Variants in UBE2H observed in about 807,000 individuals in gnomAD.
UBE2H encodes ubiquitin-conjugating enzyme E2 H.
In UBE2H, 3 loss-of-function variants were observed where a neutral mutation model predicts 29.0. That is an observed-to-expected ratio of 0.10 (90% confidence interval 0.05 to 0.27). The LOEUF (loss-of-function observed/expected upper bound fraction) is 0.27, where lower values mean the gene tolerates loss of function less well. UBE2H is among the 10% of genes least tolerant of loss of function. UBE2H has a pLI of 1.00. For missense variants in UBE2H, 68 were observed against 228.2 expected, an observed-to-expected ratio of 0.30 and a Z score of 4.52; for synonymous variants, 69 against 82.9, an observed-to-expected ratio of 0.83 and a Z score of 0.91.
intron 1 of UBE2H, among the ~76,000 whole-genome samples, chr7:129,903,675 G>A (rs748131359): frequency 1.2e-4 from 18 of 152,280 alleles, no homozygotes; most frequent in South Asian, 4.1e-4. Context: ...AAGGCAGGAG[G>A]ACTGCTTGAG....
intron 3 of UBE2H, among the ~76,000 whole-genome samples, chr7:129,878,575 C>G (rs890845683): frequency 1.3e-5 from 2 of 149,038 alleles, no homozygotes; most frequent in Admixed American, 1.4e-4. Flanking sequence ...GCCAGCTACT[C>G]GGGAGGCTGA....
rs137888702 is a variant in UBE2H, at chr7:129,885,344, A to G, written c.54-4373T>C. On this transcript the variant is annotated intron_variant, in intron 1 of 6. Transcript: ENST00000355621. ...ATCCACAGATGCAGCATTCTCCATC[A>G]ATCAGAACTAATTTGCTATGAATGA... Among the ~76,000 whole-genome samples, 1,276 of 152,348 alleles carry G rather than the reference A, an allele frequency of 8.4e-3. 10 individuals carry two copies. Among genetic ancestry groups the G allele is most frequent in the Non-Finnish European group, 0.014 (931 of 68,030 alleles).
chr7:129,880,331 AC>A (rs745727536), intron 2 of UBE2H, among the ~76,000 whole-genome samples: 10 of 152,138 alleles, frequency 6.6e-5, no homozygotes, highest in Non-Finnish European at 1.2e-4. Flanking sequence ...ACATGGTGAA[AC>A]CCTGTCTCTA....
intron 1 of UBE2H, among the ~76,000 whole-genome samples, chr7:129,927,921 C>A (rs1584791491): frequency 1.3e-5 from 2 of 151,428 alleles, no homozygotes; most frequent in African/African-American, 2.4e-5. Flanking sequence ...TGTAGCTGAG[C>A]GCAGTGGCTC....
chr7:129,947,381 G>C (rs1807786402), intron 1 of UBE2H, among the ~76,000 whole-genome samples: 2 of 152,134 alleles, frequency 1.3e-5, no homozygotes, highest in Non-Finnish European at 2.9e-5. Context: ...CACTAAAACA[G>C]AGTCCACTGG....
chr7:129,855,022 C>G (rs1244732895), intron 5 of UBE2H, among the ~76,000 whole-genome samples: 1 of 152,014 alleles, frequency 6.6e-6, no homozygotes, highest in Admixed American at 6.6e-5. Flanking sequence ...TCGTGGTTGC[C>G]TAGGGCGAAT....
chr7:129,945,920 T>G (rs1316778903), intron 1 of UBE2H, among the ~76,000 whole-genome samples: 1 of 152,078 alleles, frequency 6.6e-6, no homozygotes, highest in Admixed American at 6.6e-5. Flanking sequence ...TAATTTTGTA[T>G]TTTTTAGTAG....
chr7:129,840,019 A>G (rs1329728913), intron 5 of UBE2H, among the ~76,000 whole-genome samples: 1 of 152,016 alleles, frequency 6.6e-6, no homozygotes, highest in Non-Finnish European at 1.5e-5. Flanking sequence ...CTTGAACACA[A>G]TTTTATAGGA....
chr7:129,950,525 G>A (rs1378998232), intron 1 of UBE2H, among the ~76,000 whole-genome samples: 2 of 151,964 alleles, frequency 1.3e-5, no homozygotes, highest in African/African-American at 4.8e-5. Flanking sequence ...GCACTGTATG[G>A]AAAAGGCATC....
At chr7:129,869,874 C>T (rs1805992865) in intron 3 of UBE2H, among the ~76,000 whole-genome samples, 2 of 152,140 alleles carry the variant, frequency 1.3e-5, no homozygotes, top group African/African-American at 4.8e-5. Flanking sequence ...CTTTCTTGGA[C>T]TCAGCATCAC....
At chr7:129,854,589 G>A (rs760013446) in intron 5 of UBE2H, among the ~76,000 whole-genome samples, 1 of 152,162 alleles carries the variant, frequency 6.6e-6, no homozygotes, top group African/African-American at 2.4e-5. Context: ...TGCTTTGCAA[G>A]CTAATGTAAG....
chr7:129,865,970 T>C (rs1805896764), intron 3 of UBE2H, among the ~76,000 whole-genome samples: 1 of 152,140 alleles, frequency 6.6e-6, no homozygotes, highest in Non-Finnish European at 1.5e-5. Context: ...CCAGCTCCAC[T>C]AGTGACAGAC....
chr7:129,914,161 T>G (rs1196972316), intron 1 of UBE2H, among the ~76,000 whole-genome samples: 1 of 151,090 alleles, frequency 6.6e-6, no homozygotes, highest in Admixed American at 6.6e-5. Context: ...AACAGCCACC[T>G]CAAAAATCAA....
chr7:129,882,185 T>C (rs1169634179), intron 1 of UBE2H, among the ~76,000 whole-genome samples: 2 of 152,220 alleles, frequency 1.3e-5, no homozygotes, highest in African/African-American at 2.4e-5. Flanking sequence ...AAGAGAGGAC[T>C]ACTCGTTTAA....
At chr7:129,902,032 T>G (rs1377511272) in intron 1 of UBE2H, among the ~76,000 whole-genome samples, 2 of 152,148 alleles carry the variant, frequency 1.3e-5, no homozygotes, top group Non-Finnish European at 2.9e-5. Flanking sequence ...CAGACAACAT[T>G]AAGTGTTATT....
chr7:129,856,720 C>CACACAGTTTGAACTGCATGGGTCCAT lies in UBE2H; in HGVS notation c.298+765_298+790dup, dbSNP rs1351997787. ...CTGACCCTTGAACAACATGGGTCCA[C>CACACAGTTTGAACTGCATGGGTCCAT]ACACAGTTTGAACTGCATGGGTCCA... On this transcript the variant is annotated intron_variant, in intron 5 of 6. Coordinates refer to ENST00000355621, the MANE Select transcript of UBE2H (RefSeq NM_003344.4). Among the ~76,000 whole-genome samples, 3 of 152,164 alleles carry CACACAGTTTGAACTGCATGGGTCCAT rather than the reference C, an allele frequency of 2.0e-5. No homozygotes were observed. The East Asian group carries it at 5.8e-4, about 29-fold the overall frequency.
intron 5 of UBE2H, among the ~76,000 whole-genome samples, chr7:129,844,045 T>C (rs535343110): frequency 1.3e-5 from 2 of 152,368 alleles, no homozygotes; most frequent in South Asian, 4.1e-4. Context: ...TAAAAGGCTT[T>C]GCCTATGAAT....
intron 5 of UBE2H, among the ~76,000 whole-genome samples, chr7:129,852,649 C>T (rs1760677727): frequency 6.6e-6 from 1 of 152,172 alleles, no homozygotes; most frequent in Admixed American, 6.5e-5. Flanking sequence ...CACTGGCTAG[C>T]AACCCTAAGA....
At chr7:129,909,952 G>A (rs760641766) in intron 1 of UBE2H, among the ~76,000 whole-genome samples, 6 of 152,072 alleles carry the variant, frequency 3.9e-5, no homozygotes, top group African/African-American at 4.8e-5. Flanking sequence ...CAGAAGACAC[G>A]AAAAGGGTTG....
Sources: allele counts gnomAD v4.1 joint callset (sites outside exome capture counted in the v4.1 genomes callset), GRCh38; gene constraint gnomAD v4.1.1; transcripts MANE v1.5; gene names NCBI Gene and HGNC (gene_info 2026-07-23, HGNC 2026-07-21).